Variants in SLC6A6 observed in about 807,000 individuals in gnomAD.
SLC6A6 encodes solute carrier family 6 member 6.
Under a neutral mutation model 68.8 loss-of-function variants are expected in SLC6A6, and 16 were observed. The observed-to-expected ratio is 0.23, with a 90% confidence interval of 0.16 to 0.35. The LOEUF is 0.35. Ranked by LOEUF, SLC6A6 falls within the 10% of genes least tolerant of loss-of-function variation. SLC6A6 has a pLI of 1.00. For synonymous variants in SLC6A6, 312 were observed against 315.4 expected (o/e 0.99, Z 0.12); for missense variants, 474 against 802.8 (o/e 0.59, Z 4.95).
At chr3:14,440,053 G>C (rs1055128141) in intron 2 of SLC6A6, among the ~76,000 whole-genome samples, 2 of 152,174 alleles carry the variant, frequency 1.3e-5, no homozygotes, top group African/African-American at 4.8e-5. Flanking sequence ...GGTAGTAAGA[G>C]GAGATAGTCT....
intron 1 of SLC6A6, among the ~76,000 whole-genome samples, chr3:14,411,610 A>G (rs538510948): frequency 2.0e-4 from 31 of 152,292 alleles, no homozygotes; most frequent in Admixed American, 6.5e-4. Context: ...AAGGGGAGGG[A>G]TGGATGCTCC....
chr3:14,457,844 C>T lies in SLC6A6; in HGVS notation c.600-106C>T, dbSNP rs143191441. 153 of 1,001,554 alleles carry T rather than the reference C, an allele frequency of 1.5e-4. No homozygotes were observed. The East Asian group carries it at 3.6e-3, about 23-fold the overall frequency. 62.0% of individuals were successfully genotyped at this position (1,001,554 alleles called of 1,614,324 possible). A position where few individuals can be genotyped will look rare whatever the true frequency, so the allele number is the denominator to read the frequency against. On this transcript the variant is annotated intron_variant, in intron 5 of 14. Coordinates refer to ENST00000622186, the MANE Select transcript of SLC6A6 (RefSeq NM_003043.6). ...GGTGAGGTGACTTATGTAAATGCAG[C>T]GCCTCAGGTGGGATTTGACCCCCAG...
intron 2 of SLC6A6, among the ~76,000 whole-genome samples, chr3:14,435,407 G>A (rs1352628623): frequency 6.6e-6 from 1 of 152,224 alleles, no homozygotes; most frequent in Non-Finnish European, 1.5e-5. Flanking sequence ...TAAATCAGGA[G>A]AGGGGAGGAC....
At chr3:14,439,344 A>G (rs1699930579) in intron 2 of SLC6A6, among the ~76,000 whole-genome samples, 2 of 152,234 alleles carry the variant, frequency 1.3e-5, no homozygotes, top group Admixed American at 1.3e-4. Flanking sequence ...AAGTCCTCAC[A>G]AATCTTAATA....
chr3:14,470,542 C>T (rs192101017), intron 9 of SLC6A6, among the ~76,000 whole-genome samples: 26 of 152,272 alleles, frequency 1.7e-4, no homozygotes, highest in Non-Finnish European at 1.5e-5. Context: ...TTGAGAAAGG[C>T]AAAACTAAAA....
rs535887853 is a variant in SLC6A6, at chr3:14,440,922, T to A, written c.-11-2702T>A. Among the ~76,000 whole-genome samples, 14 of 152,216 alleles carry A rather than the reference T, an allele frequency of 9.2e-5. No individual in the cohort carries two copies. The East Asian group carries it at 2.3e-3, about 25-fold the overall frequency. On this transcript the variant is annotated intron_variant, in intron 2 of 14. Coordinates refer to ENST00000622186, the MANE Select transcript of SLC6A6 (RefSeq NM_003043.6). ...CACGTGACAGGTCCCCACTCTGCCC[T>A]GTTGAAAACCCCCACCCCCATCCTG... is the stretch of plus-strand genomic sequence containing the variant.
intron 10 of SLC6A6, among the ~76,000 whole-genome samples, chr3:14,476,966 C>T (rs1700892908): frequency 6.6e-6 from 1 of 152,184 alleles, no homozygotes; most frequent in African/African-American, 2.4e-5. Context: ...TTGGCCAGCT[C>T]GGTGTGGACC....
chr3:14,483,219 G>T (rs1181948029), intron 14 of SLC6A6, among the ~76,000 whole-genome samples: 1 of 152,166 alleles, frequency 6.6e-6, no homozygotes, highest in East Asian at 1.9e-4. Context: ...GTGGGTGAGG[G>T]CAGGCTTCAC....
At chr3:14,454,002 G>C (rs555405930) in intron 5 of SLC6A6, among the ~76,000 whole-genome samples, 3 of 152,210 alleles carry the variant, frequency 2.0e-5, no homozygotes, top group African/African-American at 7.2e-5. Flanking sequence ...CGCACCCGCA[G>C]CCTGCCCAGA....
intron 5 of SLC6A6, chr3:14,448,154 G>A: frequency 1.1e-6 from 1 of 941,690 alleles, no homozygotes; most frequent in Non-Finnish European, 1.3e-6. Flanking sequence ...ATGTATTTTA[G>A]GAAAAAATAT....
Position 14,467,525 on chromosome 3 carries a change from T to C in SLC6A6, c.868-328T>C, listed in dbSNP as rs116066141. On this transcript the variant is annotated intron_variant, in intron 7 of 14. Coordinates refer to ENST00000622186, the MANE Select transcript of SLC6A6 (RefSeq NM_003043.6). ...TGGGGTAGGGCAAAGGAGCCCATTT[T>C]ATAGATGTGAAAACTATCTATAAAC... Among the ~76,000 whole-genome samples, 450 of 152,342 alleles carry C rather than the reference T, an allele frequency of 3.0e-3. 3 individuals carry two copies. Among genetic ancestry groups the C allele is most frequent in the African/African-American group, 0.01 (432 of 41,572 alleles).
rs559004634 is a variant in SLC6A6, at chr3:14,417,130, C to T, written c.-12+677C>T. On this transcript the variant is annotated intron_variant, in intron 2 of 14. Coordinates refer to ENST00000622186, the MANE Select transcript of SLC6A6 (RefSeq NM_003043.6). ...GGAGGATTGCTTGAGGCCAGGAGCT[C>T]GAGACCAGCGTGGGCAACATAATGA... Among the ~76,000 whole-genome samples, 6 of 150,804 alleles carry T rather than the reference C, an allele frequency of 4.0e-5. No homozygotes were observed. In the South Asian group the frequency reaches 1.3e-3, roughly 32 times the overall value.
intron 9 of SLC6A6, among the ~76,000 whole-genome samples, chr3:14,470,318 T>C (rs979039592): frequency 1.3e-5 from 2 of 152,248 alleles, no homozygotes; most frequent in African/African-American, 4.8e-5. Flanking sequence ...CTAATAAGCT[T>C]TTAACAAGCA....
intron 2 of SLC6A6, among the ~76,000 whole-genome samples, chr3:14,417,506 C>A (rs1377533653): frequency 6.6e-6 from 1 of 152,080 alleles, no homozygotes; most frequent in Non-Finnish European, 1.5e-5. Flanking sequence ...CCAAGGTGGG[C>A]AGATCACGAG....
chr3:14,420,208 G>A (rs1463222494), intron 2 of SLC6A6, among the ~76,000 whole-genome samples: 4 of 152,238 alleles, frequency 2.6e-5, no homozygotes, highest in Admixed American at 2.0e-4. Flanking sequence ...TGAGGCGGGT[G>A]GATCACTTGA....
At chr3:14,473,717 C>G (rs1228207206) in intron 10 of SLC6A6, among the ~76,000 whole-genome samples, 1 of 152,164 alleles carries the variant, frequency 6.6e-6, no homozygotes, top group Non-Finnish European at 1.5e-5. Flanking sequence ...TAGACTTGAG[C>G]TGAATAAACA....
intron 14 of SLC6A6, among the ~76,000 whole-genome samples, chr3:14,484,590 GT>G (rs1439797536): frequency 6.6e-6 from 1 of 152,180 alleles, no homozygotes; most frequent in African/African-American, 2.4e-5. Context: ...TGAAGGTTGA[GT>G]CCCCCATCCC....
intron 14 of SLC6A6, among the ~76,000 whole-genome samples, chr3:14,482,567 A>G (rs1701032933): frequency 6.6e-6 from 1 of 151,968 alleles, no homozygotes; most frequent in African/African-American, 2.4e-5. Flanking sequence ...GGCTGTTTTT[A>G]TTGTTATTCT....
chr3:14,407,343 T>G (rs1163506127), intron 1 of SLC6A6, among the ~76,000 whole-genome samples: 1 of 152,144 alleles, frequency 6.6e-6, no homozygotes, highest in Non-Finnish European at 1.5e-5. Flanking sequence ...AGTTATGATT[T>G]ACATGCAGTA....
Sources: gnomAD v4.1 joint callset for allele counts (sites outside exome capture counted in the v4.1 genomes callset) on GRCh38, gnomAD v4.1.1 for gene constraint, MANE v1.5 for transcripts, NCBI Gene and HGNC (gene_info 2026-07-23, HGNC 2026-07-21) for gene names.